Variants in KCNH5 observed in about 807,000 individuals in gnomAD.
The protein encoded by KCNH5 is voltage-gated delayed rectifier potassium channel KCNH5.
A neutral mutation model predicts 96.1 loss-of-function variants in KCNH5; 46 were observed. The observed-to-expected ratio is 0.48, with a 90% CI of 0.38 to 0.61. The LOEUF (loss-of-function observed/expected upper bound fraction) is 0.61, where lower values mean the gene tolerates loss of function less well. Ranked by LOEUF, KCNH5 falls within the 20% of genes least tolerant of loss-of-function variation. The pLI is 0.00. For synonymous variants in KCNH5, 439 were observed against 449.8 expected (o/e 0.98, Z 0.30); for missense variants, 907 against 1,225.8 (o/e 0.74, Z 3.88).
chr14:62,761,036 CT>C (rs1343860374), intron 10 of KCNH5, among the ~76,000 whole-genome samples: 11 of 152,158 alleles, frequency 7.2e-5, no homozygotes, highest in Admixed American at 1.3e-4. Flanking sequence ...GAAATCCCTC[CT>C]TTGAATAACC....
intron 1 of KCNH5, among the ~76,000 whole-genome samples, chr14:63,024,045 T>TA (rs1221953312): frequency 6.6e-6 from 1 of 151,726 alleles, no homozygotes; most frequent in Non-Finnish European, 1.5e-5. Flanking sequence ...CTGTCTCTAC[T>TA]AAAAAATACA....
At chr14:62,857,371 C>A (rs1887949871) in intron 7 of KCNH5, among the ~76,000 whole-genome samples, 1 of 152,120 alleles carries the variant, frequency 6.6e-6, no homozygotes, top group Non-Finnish European at 1.5e-5. Context: ...TCCACTTTAT[C>A]CTTCTATGAT....
intron 10 of KCNH5, among the ~76,000 whole-genome samples, chr14:62,741,345 T>C (rs1375162772): frequency 6.6e-6 from 1 of 152,170 alleles, no homozygotes; most frequent in Non-Finnish European, 1.5e-5. Flanking sequence ...AATCTCGTGA[T>C]ATTGCAGGTA....
At chr14:62,904,665 T>C (rs1375408359) in intron 7 of KCNH5, among the ~76,000 whole-genome samples, 1 of 152,206 alleles carries the variant, frequency 6.6e-6, no homozygotes, top group Non-Finnish European at 1.5e-5. Flanking sequence ...ATATTTATCA[T>C]GTTTTATATT....
At chr14:62,765,848 A>C (rs1463177826) in intron 10 of KCNH5, among the ~76,000 whole-genome samples, 1 of 152,142 alleles carries the variant, frequency 6.6e-6, no homozygotes, top group Non-Finnish European at 1.5e-5. Context: ...AAACGGGATC[A>C]CATCAAGTCA....
At chr14:62,823,932 C>T (rs1283429640) in intron 8 of KCNH5, among the ~76,000 whole-genome samples, 1 of 151,918 alleles carries the variant, frequency 6.6e-6, no homozygotes, top group Non-Finnish European at 1.5e-5. Context: ...TTTCTTTCAG[C>T]TTAATGATCT....
chr14:62,749,792 T>G (rs1195165555), intron 10 of KCNH5, among the ~76,000 whole-genome samples: 1 of 152,164 alleles, frequency 6.6e-6, no homozygotes, highest in Non-Finnish European at 1.5e-5. Flanking sequence ...AGAGTCCTCT[T>G]TAGAGTTTGA....
chr14:62,985,805 T>C (rs548755113), intron 5 of KCNH5, among the ~76,000 whole-genome samples: 65 of 152,258 alleles, frequency 4.3e-4, no homozygotes, highest in African/African-American at 1.5e-3. Context: ...TAAATCTCCC[T>C]GCTGTTCAGG....
At chr14:62,758,069 T>C (rs781323941) in intron 10 of KCNH5, among the ~76,000 whole-genome samples, 3 of 150,128 alleles carry the variant, frequency 2.0e-5, no homozygotes, top group East Asian at 2.0e-4. Flanking sequence ...TGCTTGAACC[T>C]GGGAGACAGA....
chr14:63,010,953 A>G (rs1361876600), intron 2 of KCNH5, among the ~76,000 whole-genome samples: 1 of 152,216 alleles, frequency 6.6e-6, no homozygotes, highest in Non-Finnish European at 1.5e-5. Context: ...TTCAGTCACC[A>G]TAATACAGGG....
intron 8 of KCNH5, among the ~76,000 whole-genome samples, chr14:62,809,820 A>G (rs949683062): frequency 1.3e-5 from 2 of 152,096 alleles, no homozygotes; most frequent in African/African-American, 4.8e-5. Context: ...TAGTCTCAGT[A>G]GTTGTTTTTA....
Position 63,013,215 on chromosome 14 carries a change from T to C in KCNH5, c.197+3616A>G, listed in dbSNP as rs926284741. Among the ~76,000 whole-genome samples, 5 of 152,200 alleles carry C rather than the reference T, an allele frequency of 3.3e-5. 1 individual carries two copies. Among genetic ancestry groups the C allele is most frequent in the East Asian group, 3.9e-4 (2 of 5,172 alleles). On this transcript the variant is annotated intron_variant, in intron 2 of 10. Transcript: ENST00000322893. ...AAATTAATGTGTTTTTATTTTACCA[T>C]AAAACAATTCACTTTTGAACATTCA...
intron 2 of KCNH5, among the ~76,000 whole-genome samples, chr14:63,012,141 G>GGA (rs1891241017): frequency 6.6e-6 from 1 of 152,176 alleles, no homozygotes; most frequent in Admixed American, 6.5e-5. Context: ...CCAAATGTCA[G>GGA]AGCTTCTACA....
chr14:62,945,632 A>G (rs1166218188), intron 7 of KCNH5, among the ~76,000 whole-genome samples: 2 of 152,124 alleles, frequency 1.3e-5, no homozygotes, highest in Non-Finnish European at 2.9e-5. Flanking sequence ...GGGACAATGA[A>G]GGGAAAGGTT....
intron 7 of KCNH5, among the ~76,000 whole-genome samples, chr14:62,940,471 A>T (rs560979788): frequency 1.3e-5 from 2 of 152,306 alleles, no homozygotes; most frequent in Non-Finnish European, 2.9e-5. Flanking sequence ...CATTGTCCAC[A>T]ATAAAGAATC....
At chr14:62,893,185 C>T (rs1451629168) in intron 7 of KCNH5, among the ~76,000 whole-genome samples, 1 of 152,162 alleles carries the variant, frequency 6.6e-6, no homozygotes, top group Non-Finnish European at 1.5e-5. Flanking sequence ...AAAATATCTA[C>T]ATTAACATGA....
At chr14:62,720,043 A>G (rs1884772298) in intron 10 of KCNH5, among the ~76,000 whole-genome samples, 1 of 152,218 alleles carries the variant, frequency 6.6e-6, no homozygotes, top group African/African-American at 2.4e-5. Flanking sequence ...AAAATAAAGT[A>G]TAAGGACATA....
intron 6 of KCNH5, among the ~76,000 whole-genome samples, chr14:62,961,689 G>T (rs1292096730): frequency 2.6e-5 from 4 of 152,168 alleles, no homozygotes. Flanking sequence ...TGGAAATGGA[G>T]ATGGAGATAT....
intron 8 of KCNH5, among the ~76,000 whole-genome samples, chr14:62,824,670 G>C (rs1278373505): frequency 6.6e-6 from 1 of 151,638 alleles, no homozygotes; most frequent in Non-Finnish European, 1.5e-5. Flanking sequence ...TTTATTACTT[G>C]GGTATATTGT....
Sources: allele counts gnomAD v4.1 joint callset (sites outside exome capture counted in the v4.1 genomes callset), GRCh38; gene constraint gnomAD v4.1.1; transcripts MANE v1.5; gene names NCBI Gene and HGNC (gene_info 2026-07-23, HGNC 2026-07-21).